The following PCDH9 variants were observed in gnomAD, a reference collection of about 807,000 sequenced individuals.
PCDH9 encodes protocadherin-9.
PCDH9 carries 24 observed loss-of-function variants against 70.6 expected under a neutral mutation model. That is an observed-to-expected ratio of 0.34 (90% CI 0.25 to 0.48). The LOEUF (loss-of-function observed/expected upper bound fraction) is 0.48. Among genes scored for constraint, PCDH9 ranks in the 20% least tolerant of loss-of-function variants. The pLI is 0.99. For synonymous variants in PCDH9, 562 were observed against 558.5 expected (o/e 1.01, Z -0.09); for missense variants, 1,281 against 1,503.6 (o/e 0.85, Z 2.45).
At chr13:66,412,749 T>C (rs1368921076) in intron 4 of PCDH9, among the ~76,000 whole-genome samples, 1 of 152,200 alleles carries the variant, frequency 6.6e-6, no homozygotes, top group Non-Finnish European at 1.5e-5. Flanking sequence ...TAGTCGCTTG[T>C]ATTTATTTTA....
chr13:66,851,573 C>CCACACACA (rs1394604374), intron 3 of PCDH9, among the ~76,000 whole-genome samples: 9 of 108,948 alleles, frequency 8.3e-5, no homozygotes, highest in African/African-American at 2.4e-4. Flanking sequence ...CCCGCATCAC[C>CCACACACA]CTCACACACA....
chr13:66,535,683 A>G (rs1350734565), intron 4 of PCDH9, among the ~76,000 whole-genome samples: 1 of 152,080 alleles, frequency 6.6e-6, no homozygotes. Flanking sequence ...TATTATGCTT[A>G]TTATGCTTCC....
intron 3 of PCDH9, among the ~76,000 whole-genome samples, chr13:66,700,960 AT>A (rs2078636956): frequency 1.7e-5 from 2 of 119,942 alleles, no homozygotes; most frequent in African/African-American, 6.6e-5. Flanking sequence ...ATATATATAT[AT>A]ATATATATAC....
chr13:67,099,490 A>ATT (rs2086389006), intron 2 of PCDH9, among the ~76,000 whole-genome samples: 1 of 152,210 alleles, frequency 6.6e-6, no homozygotes, highest in Non-Finnish European at 1.5e-5. Context: ...ACAGTCAATA[A>ATT]ATTTGGCATC....
intron 4 of PCDH9, among the ~76,000 whole-genome samples, chr13:66,477,602 G>T (rs1443108951): frequency 6.6e-6 from 1 of 152,082 alleles, no homozygotes; most frequent in African/African-American, 2.4e-5. Flanking sequence ...TGTTAAAAAG[G>T]CAGAGATAAT....
chr13:66,718,148 T>C (rs2078895650), intron 3 of PCDH9, among the ~76,000 whole-genome samples: 1 of 152,336 alleles, frequency 6.6e-6, no homozygotes, highest in African/African-American at 2.4e-5. Flanking sequence ...TGGAAATAAA[T>C]ATTTTAATTG....
At chr13:66,371,755 A>G (rs2138218310) in intron 4 of PCDH9, among the ~76,000 whole-genome samples, 1 of 152,204 alleles carries the variant, frequency 6.6e-6, no homozygotes. Context: ...AGGATACTAA[A>G]CGCCGAATGA....
At chr13:67,110,001 G>C (rs1333923297) in intron 2 of PCDH9, among the ~76,000 whole-genome samples, 2 of 152,038 alleles carry the variant, frequency 1.3e-5, no homozygotes, top group African/African-American at 4.8e-5. Flanking sequence ...TAATATTTTA[G>C]AGAAATACAT....
intron 2 of PCDH9, among the ~76,000 whole-genome samples, chr13:67,017,212 A>C (rs2139852007): frequency 6.6e-6 from 1 of 152,348 alleles, no homozygotes; most frequent in Middle Eastern, 3.4e-3. Context: ...AAATAGAGTC[A>C]ATTCAATTTG....
At chr13:67,040,427 T>A (rs1007234576) in intron 2 of PCDH9, among the ~76,000 whole-genome samples, 9 of 152,092 alleles carry the variant, frequency 5.9e-5, no homozygotes, top group Non-Finnish European at 1.0e-4. Context: ...CTGGGTAACA[T>A]AGCAAGACCC....
intron 3 of PCDH9, among the ~76,000 whole-genome samples, chr13:66,771,815 A>G (rs185261859): frequency 6.6e-6 from 1 of 152,350 alleles, no homozygotes; most frequent in East Asian, 1.9e-4. Context: ...TGGAATTATC[A>G]TCAATATTAA....
intron 2 of PCDH9, among the ~76,000 whole-genome samples, chr13:67,008,164 G>A (rs1376068987): frequency 6.6e-6 from 1 of 152,054 alleles, no homozygotes; most frequent in Non-Finnish European, 1.5e-5. Flanking sequence ...ATAATGAAAA[G>A]TTCTCAACAA....
intron 3 of PCDH9, among the ~76,000 whole-genome samples, chr13:66,652,943 T>C (rs2077874012): frequency 6.6e-6 from 1 of 152,116 alleles, no homozygotes; most frequent in African/African-American, 2.4e-5. Flanking sequence ...CATATCCACA[T>C]GCAGAAGAAT....
chr13:66,606,010 G>A (rs919898546), intron 4 of PCDH9, among the ~76,000 whole-genome samples: 1 of 151,958 alleles, frequency 6.6e-6, no homozygotes, highest in Non-Finnish European at 1.5e-5. Flanking sequence ...GAAATCATGG[G>A]GCTCCCCTCG....
intron 2 of PCDH9, among the ~76,000 whole-genome samples, chr13:67,114,352 A>C (rs2086718544): frequency 1.3e-5 from 2 of 152,180 alleles, no homozygotes; most frequent in Non-Finnish European, 2.9e-5. Flanking sequence ...CCAGGAACCA[A>C]TTTTAGCCTC....
intron 2 of PCDH9, among the ~76,000 whole-genome samples, chr13:67,131,792 C>T (rs1241524710): frequency 1.3e-5 from 2 of 152,148 alleles, no homozygotes; most frequent in African/African-American, 2.4e-5. Context: ...GGCAGCACAT[C>T]GTGGACTTTA....
At chr13:67,171,729 A>C (rs1003749521) in intron 2 of PCDH9, among the ~76,000 whole-genome samples, 3 of 152,110 alleles carry the variant, frequency 2.0e-5, no homozygotes, top group Admixed American at 6.6e-5. Flanking sequence ...GACCTTGGAG[A>C]CCTGTTTGAG....
chr13:67,196,059 C>G (rs1027768913), intron 2 of PCDH9, among the ~76,000 whole-genome samples: 2 of 152,128 alleles, frequency 1.3e-5, no homozygotes, highest in Non-Finnish European at 2.9e-5. Flanking sequence ...GTCACTTAAT[C>G]GGTGATAGTT....
In PCDH9 at chr13:66,631,306, G is replaced by A. The variant is rs759888918; in HGVS notation, c.3244C>T (p.His1082Tyr). 1.9e-6 allele frequency: 3 copies of A among 1,604,432 alleles called. No homozygotes were observed. The highest frequency in any genetic ancestry group is 4.5e-5 in the East Asian group (2 of 44,832). Residue 1082 changes from histidine to tyrosine, a missense_variant, in exon 4 of 5, where the codon CAC becomes TAC. By Grantham distance (83) the His-to-Tyr change is moderately conservative. Around this residue, in one of 4 missense-constraint regions of PCDH9, gnomAD observed 264 missense variants for 278.8 expected, o/e 0.95. Coordinates refer to ENST00000377865, the MANE Select transcript of PCDH9 (RefSeq NM_203487.3). ...EPVGSGTLISHPLPLVQPQDE... is the reference protein window; with the variant it reads ...EPVGSGTLISYPLPLVQPQDE... ...TGTGGCTGAACCAGAGGAAGAGGGT[G>A]TGAGATCAGGGTTCCACTACCCACC...
Sources: gnomAD v4.1 joint callset for allele counts (sites outside exome capture counted in the v4.1 genomes callset) on GRCh38, gnomAD v4.1.1 for gene constraint, gnomAD v4.1.1 regional missense constraint, MANE v1.5 for transcripts, NCBI Gene and HGNC (gene_info 2026-07-23, HGNC 2026-07-21) for gene names.